Variants in PPM1L observed in about 807,000 individuals in gnomAD.
PPM1L encodes the protein protein phosphatase 1L.
PPM1L carries 13 observed loss-of-function variants against 31.4 expected under a neutral mutation model. The ratio of observed to expected loss-of-function variants is 0.41; its 90% CI spans 0.27 to 0.66. The LOEUF is 0.66. Among genes scored for constraint, PPM1L ranks in the 30% least tolerant of loss-of-function variants. PPM1L has a pLI of 0.29. For synonymous variants in PPM1L, 184 were observed against 175.4 expected (o/e 1.05, Z -0.39); for missense variants, 326 against 453.7 (o/e 0.72, Z 2.56).
At chr3:161,063,175 G>C (rs533699015) in intron 2 of PPM1L, among the ~76,000 whole-genome samples, 1 of 152,174 alleles carries the variant, frequency 6.6e-6, no homozygotes, top group East Asian at 1.9e-4. Context: ...TGGGGACAAA[G>C]TGAGGATATG....
intron 2 of PPM1L, among the ~76,000 whole-genome samples, chr3:160,995,702 A>G (rs879639482): frequency 6.6e-6 from 1 of 152,204 alleles, no homozygotes; most frequent in African/African-American, 2.4e-5. Context: ...GAGAGAAACT[A>G]TTGATGCAGG....
At chr3:160,787,542 G>A (rs1018278643) in intron 1 of PPM1L, among the ~76,000 whole-genome samples, 1 of 152,052 alleles carries the variant, frequency 6.6e-6, no homozygotes, top group African/African-American at 2.4e-5. Flanking sequence ...CCATCCCATA[G>A]GTTGTCTGTT....
At chr3:160,819,962 T>C (rs1216094225) in intron 1 of PPM1L, among the ~76,000 whole-genome samples, 1 of 152,106 alleles carries the variant, frequency 6.6e-6, no homozygotes, top group Non-Finnish European at 1.5e-5. Context: ...CTATGACATC[T>C]AGAACACTGG....
chr3:161,036,838 G>C (rs13315565), intron 2 of PPM1L, among the ~76,000 whole-genome samples: 47,263 of 152,102 alleles, frequency 0.31, 7,617 homozygotes, highest in East Asian at 0.58. Flanking sequence ...AGGTTGAAAA[G>C]ATGGGACAAG....
At chr3:160,879,547 G>C (rs990985475) in intron 1 of PPM1L, among the ~76,000 whole-genome samples, 1 of 152,148 alleles carries the variant, frequency 6.6e-6, no homozygotes, top group Admixed American at 6.5e-5. Context: ...CAAGGGAAGA[G>C]AAAGAATTTT....
intron 1 of PPM1L, among the ~76,000 whole-genome samples, chr3:160,782,522 A>C (rs1711779689): frequency 6.6e-6 from 1 of 152,192 alleles, no homozygotes; most frequent in East Asian, 1.9e-4. Context: ...GGCTATGTGG[A>C]AAGGTTTAGA....
chr3:160,984,916 G>A (rs1022513657), intron 2 of PPM1L, among the ~76,000 whole-genome samples: 8 of 152,174 alleles, frequency 5.3e-5, no homozygotes, highest in Non-Finnish European at 4.4e-5. Context: ...GAATGGGAGG[G>A]AGGGCTGGTG....
At chr3:160,984,198 G>GAC (rs1446884117) in intron 2 of PPM1L, among the ~76,000 whole-genome samples, 1 of 152,200 alleles carries the variant, frequency 6.6e-6, no homozygotes, top group Admixed American at 6.5e-5. Flanking sequence ...CATAAAGGCA[G>GAC]ACACTCCCAG....
At chr3:160,984,847 C>T (rs944702534) in intron 2 of PPM1L, among the ~76,000 whole-genome samples, 3 of 152,134 alleles carry the variant, frequency 2.0e-5, no homozygotes, top group African/African-American at 7.2e-5. Context: ...CTACCTCCAC[C>T]CCCATGGGAC....
At chr3:160,962,717 A>G (rs537965151) in intron 2 of PPM1L, among the ~76,000 whole-genome samples, 2 of 152,142 alleles carry the variant, frequency 1.3e-5, no homozygotes, top group Admixed American at 6.6e-5. Context: ...TTTAGCATGC[A>G]TCTTATTTTC....
chr3:160,797,058 T>TTTTTGTTTTG (rs796242302), intron 1 of PPM1L, among the ~76,000 whole-genome samples: 1 of 152,114 alleles, frequency 6.6e-6, no homozygotes, highest in Non-Finnish European at 1.5e-5. Flanking sequence ...TGCTGCAGGG[T>TTTTTGTTTTG]TTTTGTTTTG....
At chr3:160,859,941 C>T (rs565877271) in intron 1 of PPM1L, among the ~76,000 whole-genome samples, 1 of 152,278 alleles carries the variant, frequency 6.6e-6, no homozygotes, top group African/African-American at 2.4e-5. Flanking sequence ...CGATCAAGTT[C>T]TGTAAATTTG....
intron 2 of PPM1L, among the ~76,000 whole-genome samples, chr3:161,007,075 A>G (rs1460539685): frequency 6.6e-6 from 1 of 152,214 alleles, no homozygotes; most frequent in East Asian, 1.9e-4. Context: ...ATATGTATCA[A>G]GCACATACTG....
chr3:160,821,539 A>G (rs1713202682), intron 1 of PPM1L, among the ~76,000 whole-genome samples: 2 of 152,058 alleles, frequency 1.3e-5, no homozygotes, highest in African/African-American at 4.8e-5. Flanking sequence ...TTTTTTGCTT[A>G]GCTGACGTTT....
chr3:161,058,117 C>CTTTTTTTTTT (rs1719465240), intron 2 of PPM1L, among the ~76,000 whole-genome samples: 2 of 29,344 alleles, frequency 6.8e-5, no homozygotes, highest in Admixed American at 8.4e-4. Context: ...CATTTTCTTT[C>CTTTTTTTTTT]CTTTTTTTTT....
chr3:160,866,476 C>T (rs1406128424), intron 1 of PPM1L, among the ~76,000 whole-genome samples: 1 of 152,180 alleles, frequency 6.6e-6, no homozygotes, highest in African/African-American at 2.4e-5. Flanking sequence ...TTTAGAAATA[C>T]TCAACATTTA....
In PPM1L at chr3:160,900,976, A is replaced by G. The variant is rs116469499; in HGVS notation, c.400-60760A>G. On this transcript the variant is annotated intron_variant, in intron 1 of 3. Coordinates refer to ENST00000498165, the MANE Select transcript of PPM1L (RefSeq NM_139245.4). Reference sequence around the variant, plus strand: ...CTTGTCTTCATTTGGCTTTTAAGATACCAGTTTCTTTTGGTTCTTTTAGCT... The same window carrying G: ...CTTGTCTTCATTTGGCTTTTAAGATGCCAGTTTCTTTTGGTTCTTTTAGCT... Among the ~76,000 whole-genome samples, 973 of 152,182 alleles carry G rather than the reference A, an allele frequency of 6.4e-3. 6 individuals are homozygous for G. The highest frequency in any genetic ancestry group is 0.022 in the African/African-American group (924 of 41,538).
intron 1 of PPM1L, among the ~76,000 whole-genome samples, chr3:160,888,788 A>G (rs1208324437): frequency 2.6e-5 from 4 of 152,208 alleles, no homozygotes; most frequent in Non-Finnish European, 4.4e-5. Flanking sequence ...ATTCCTCAGC[A>G]AATGCAAAAG....
intron 1 of PPM1L, among the ~76,000 whole-genome samples, chr3:160,827,149 T>C (rs998449892): frequency 6.6e-6 from 1 of 152,096 alleles, no homozygotes; most frequent in Non-Finnish European, 1.5e-5. Flanking sequence ...AGAAGCAGGA[T>C]AGCCCACTCT....
Sources: allele counts gnomAD v4.1 joint callset (sites outside exome capture counted in the v4.1 genomes callset), GRCh38; gene constraint gnomAD v4.1.1; transcripts MANE v1.5; gene names NCBI Gene and HGNC (gene_info 2026-07-23, HGNC 2026-07-21).